The following WDFY3 variants were observed in gnomAD, a reference collection of about 807,000 sequenced individuals.
WDFY3 encodes the protein WD repeat and FYVE domain containing 3, also known as WD repeat and FYVE domain-containing protein 3.
A neutral mutation model predicts 409.6 loss-of-function variants in WDFY3; 66 were observed. The observed-to-expected ratio is 0.16, with a 90% CI of 0.13 to 0.20. WDFY3 has a LOEUF of 0.20. Among genes scored for constraint, WDFY3 ranks in the 10% least tolerant of loss-of-function variants. WDFY3 has a pLI of 1.00. For missense variants in WDFY3, 3,031 were observed against 4,298.1 expected, an observed-to-expected ratio of 0.71 and a Z score of 8.24; for synonymous variants, 1,521 against 1,537.1, an observed-to-expected ratio of 0.99 and a Z score of 0.25.
intron 62 of WDFY3, among the ~76,000 whole-genome samples, chr4:84,684,800 C>T (rs1316645295): frequency 6.6e-6 from 1 of 152,096 alleles, no homozygotes; most frequent in Non-Finnish European, 1.5e-5. Context: ...AAAGAACAAC[C>T]TATTTTCTTA....
chr4:84,848,468 C>T (rs912013606), intron 5 of WDFY3, among the ~76,000 whole-genome samples: 1 of 152,130 alleles, frequency 6.6e-6, no homozygotes, highest in African/African-American at 2.4e-5. Flanking sequence ...AGTGCTCATC[C>T]TGGGCTGCAT....
chr4:84,927,379 G>A (rs1770140142), intron 2 of WDFY3, among the ~76,000 whole-genome samples: 1 of 151,846 alleles, frequency 6.6e-6, no homozygotes, highest in African/African-American at 2.4e-5. Context: ...ATGCCAACTA[G>A]GTCAAATTTC....
At chr4:84,684,861 T>C (rs1728026487) in intron 62 of WDFY3, among the ~76,000 whole-genome samples, 1 of 152,168 alleles carries the variant, frequency 6.6e-6, no homozygotes, top group Admixed American at 6.5e-5. Context: ...CAACCCACTA[T>C]AGTTAAAGAA....
At chr4:84,913,257 A>G (rs887090199) in intron 2 of WDFY3, among the ~76,000 whole-genome samples, 1 of 152,148 alleles carries the variant, frequency 6.6e-6, no homozygotes, top group African/African-American at 2.4e-5. Flanking sequence ...CAGAGACAAC[A>G]TCATGAAAGT....
At chr4:84,700,829 G>A (rs573764634) in intron 56 of WDFY3, among the ~76,000 whole-genome samples, 100 of 152,358 alleles carry the variant, frequency 6.6e-4, no homozygotes, top group Non-Finnish European at 1.2e-3. Flanking sequence ...GTGGCTGTGC[G>A]TGGTGGCTCA....
chr4:84,861,048 T>C lies in WDFY3; in HGVS notation c.-31-426A>G, dbSNP rs1435684321. Among the ~76,000 whole-genome samples, 8 of 151,996 alleles carry C rather than the reference T, an allele frequency of 5.3e-5. No individual in the cohort carries two copies. The East Asian group carries it at 1.5e-3, about 29-fold the overall frequency. On this transcript the variant is annotated intron_variant, in intron 3 of 67. Coordinates refer to ENST00000295888, the MANE Select transcript of WDFY3 (RefSeq NM_014991.6). ...CAATATGACAAAACCCTGTCTCTACTAAAAATACAAAAATTAGTCAGGTAT... is the reference window on the plus strand; with the variant it reads ...CAATATGACAAAACCCTGTCTCTACCAAAAATACAAAAATTAGTCAGGTAT...
At chr4:84,881,716 G>A (rs1266508371) in intron 3 of WDFY3, among the ~76,000 whole-genome samples, 1 of 151,666 alleles carries the variant, frequency 6.6e-6, no homozygotes, top group African/African-American at 2.4e-5. Flanking sequence ...ACAAGACCCC[G>A]CCTCTACTCA....
intron 40 of WDFY3, among the ~76,000 whole-genome samples, chr4:84,737,969 G>C (rs1737749023): frequency 6.6e-6 from 1 of 152,148 alleles, no homozygotes; most frequent in South Asian, 2.1e-4. Flanking sequence ...AAATGATATT[G>C]ATGTTGCTAT....
chr4:84,845,927 T>C (rs1758023641), intron 5 of WDFY3, among the ~76,000 whole-genome samples: 1 of 149,802 alleles, frequency 6.7e-6, no homozygotes, highest in Non-Finnish European at 1.5e-5. Context: ...GGCAGAGAAA[T>C]CCTATGTCCA....
intron 32 of WDFY3, among the ~76,000 whole-genome samples, chr4:84,758,969 T>C (rs986659473): frequency 6.6e-6 from 1 of 152,232 alleles, no homozygotes. Flanking sequence ...CCATCTTGAA[T>C]TGATTTTTGT....
At chr4:84,934,101 G>C (rs1353240710) in intron 1 of WDFY3, among the ~76,000 whole-genome samples, 2 of 152,058 alleles carry the variant, frequency 1.3e-5, no homozygotes, top group Non-Finnish European at 2.9e-5. Flanking sequence ...CCTCCATACT[G>C]TTCTCTATAA....
At chr4:84,803,146 T>TA (rs1750916130) in intron 16 of WDFY3, 144 bp downstream of exon 16, 2 of 867,278 alleles carry the variant, frequency 2.3e-6, no homozygotes, top group Admixed American at 7.4e-5. Flanking sequence ...AACACTCAAA[T>TA]AAAAAAATCC....
chr4:84,940,395 G>A (rs1771953795), intron 1 of WDFY3, among the ~76,000 whole-genome samples: 1 of 151,752 alleles, frequency 6.6e-6, no homozygotes, highest in African/African-American at 2.4e-5. Flanking sequence ...AGTGGATTAG[G>A]ATTCTCCCCA....
intron 1 of WDFY3, among the ~76,000 whole-genome samples, chr4:84,946,104 A>G (rs1772791885): frequency 6.6e-6 from 1 of 152,176 alleles, no homozygotes; most frequent in Non-Finnish European, 1.5e-5. Context: ...ACAATTCTAT[A>G]CAGTTGGAAC....
At chr4:84,888,519 A>G (rs1340141822) in intron 3 of WDFY3, among the ~76,000 whole-genome samples, 1 of 152,226 alleles carries the variant, frequency 6.6e-6, no homozygotes, top group African/African-American at 2.4e-5. Flanking sequence ...AAAATAATAT[A>G]CTTTCATATT....
At chr4:84,695,380 CAT>C (rs1038516007) in intron 58 of WDFY3, among the ~76,000 whole-genome samples, 25 of 152,022 alleles carry the variant, frequency 1.6e-4, no homozygotes, top group Admixed American at 4.6e-4. Context: ...TAACCCAATC[CAT>C]CATCATCTGT....
At chr4:84,730,240 C>T (rs894778387) in intron 44 of WDFY3, among the ~76,000 whole-genome samples, 8 of 152,028 alleles carry the variant, frequency 5.3e-5, no homozygotes, top group East Asian at 1.9e-4. Flanking sequence ...AAATTGAATT[C>T]GAGGCCATTT....
intron 1 of WDFY3, among the ~76,000 whole-genome samples, chr4:84,955,675 A>G (rs1300489632): frequency 6.6e-6 from 1 of 152,228 alleles, no homozygotes; most frequent in Non-Finnish European, 1.5e-5. Context: ...TCCCAAGTTT[A>G]TAATTATTTC....
rs573863076 is a variant in WDFY3 at position 84,673,068 on chromosome 4, A to C, written c.10458-77T>G. 68 of 1,587,202 alleles carry C rather than the reference A, an allele frequency of 4.3e-5. No homozygotes were observed. In the South Asian group the frequency reaches 7.6e-4, roughly 18 times the overall value. On this transcript the variant is annotated intron_variant, in intron 67 of 67. Coordinates refer to ENST00000295888, the MANE Select transcript of WDFY3 (RefSeq NM_014991.6). Reference sequence around the variant, plus strand: ...TGGGCACCGGAAACATTAATAATCGAATGGAAAGCTTGCAGTAAAATGCCA... The same window carrying C: ...TGGGCACCGGAAACATTAATAATCGCATGGAAAGCTTGCAGTAAAATGCCA...
Sources: allele counts gnomAD v4.1 joint callset (sites outside exome capture counted in the v4.1 genomes callset), GRCh38; gene constraint gnomAD v4.1.1; transcripts MANE v1.5; gene names NCBI Gene and HGNC (gene_info 2026-07-23, HGNC 2026-07-21).